The following TRERF1 variants were observed in gnomAD, a reference collection of about 807,000 sequenced individuals.
The protein encoded by TRERF1 is transcriptional regulating factor 1.
Under a neutral mutation model 122.9 loss-of-function variants are expected in TRERF1, and 27 were observed. The ratio of observed to expected loss-of-function variants is 0.22; its 90% CI spans 0.16 to 0.30. The LOEUF (loss-of-function observed/expected upper bound fraction) is 0.30. Among genes scored for constraint, TRERF1 ranks in the 10% least tolerant of loss-of-function variants. The pLI is 1.00. For missense variants in TRERF1, 1,248 were observed against 1,560.3 expected (o/e 0.80, Z 3.37); for synonymous variants, 636 against 641.7 (o/e 0.99, Z 0.13).
intron 2 of TRERF1, among the ~76,000 whole-genome samples, chr6:42,366,632 T>G (rs1334422912): frequency 6.6e-6 from 1 of 152,176 alleles, no homozygotes; most frequent in Non-Finnish European, 1.5e-5. Context: ...AAGGGAGAGC[T>G]TGAAATGTGA....
intron 2 of TRERF1, among the ~76,000 whole-genome samples, chr6:42,403,394 C>T (rs1779702980): frequency 1.3e-5 from 2 of 152,122 alleles, no homozygotes; most frequent in South Asian, 4.1e-4. Flanking sequence ...AATAGCGACA[C>T]ACACATACAC....
Position 42,228,301 on chromosome 6 carries a change from TG to T in TRERF1, c.*43del. Reference sequence around the variant, plus strand: ...GTCCAGGTTTCCTGATTAATGAAGATGGAGGCCGTGGGTTTTCACTGTCTCT... The same window carrying T: ...GTCCAGGTTTCCTGATTAATGAAGATGAGGCCGTGGGTTTTCACTGTCTCT... On this transcript the variant is annotated 3_prime_UTR_variant, in exon 18 of 18. Coordinates refer to ENST00000372922, the Ensembl canonical transcript of TRERF1. The surrounding 1 kb of genome is among the most constrained non-coding windows in gnomAD (Gnocchi z 4.2). 1 of 1,516,748 alleles carries T rather than the reference TG, an allele frequency of 6.6e-7. No individual in the cohort carries two copies. The highest frequency in any genetic ancestry group is 1.3e-5 in the South Asian group (1 of 75,266). The allele number at this position is 1,516,748 out of a possible 1,614,324, so 94.0% of individuals were successfully genotyped here.
chr6:42,347,432 G>A (rs1294810374), intron 3 of TRERF1, among the ~76,000 whole-genome samples: 1 of 152,182 alleles, frequency 6.6e-6, no homozygotes, highest in Non-Finnish European at 1.5e-5. Context: ...AGGGAGTGGA[G>A]GTGTGGGCAA....
chr6:42,306,377 G>A (rs1239472954), intron 3 of TRERF1, among the ~76,000 whole-genome samples: 1 of 152,126 alleles, frequency 6.6e-6, no homozygotes, highest in African/African-American at 2.4e-5. Flanking sequence ...TGCACTGGAG[G>A]AAGGGGATCC....
intron 10 of TRERF1, among the ~76,000 whole-genome samples, chr6:42,257,401 A>G (rs1348151003): frequency 6.6e-6 from 1 of 152,228 alleles, no homozygotes; most frequent in African/African-American, 2.4e-5. Context: ...TTCCCAGAGC[A>G]TGGCCAATGG....
At chr6:42,262,280 T>C (rs968901337) in intron 8 of TRERF1, among the ~76,000 whole-genome samples, 4 of 152,042 alleles carry the variant, frequency 2.6e-5, no homozygotes, top group African/African-American at 7.2e-5. Context: ...ATTCATTATC[T>C]TCTCTCCCTC....
rs137855975 is a variant in TRERF1, at chr6:42,306,736, C to CTA, written c.-370-5989_-370-5988dup. 7.9e-3 allele frequency among the ~76,000 whole-genome samples: 1,207 copies of CTA among 152,350 alleles called. 13 individuals are homozygous for CTA. The highest frequency in any genetic ancestry group is 0.022 in the African/African-American group (922 of 41,582). On this transcript the variant is annotated intron_variant, in intron 3 of 17. Transcript: ENST00000372922. ...CATTAGCATCTACTCATCTGTCAGG[C>CTA]TATAGCTTTGGGAAGATGTCTCCAT...
intron 17 of TRERF1, among the ~76,000 whole-genome samples, chr6:42,229,863 T>G (rs528076980): frequency 6.6e-6 from 1 of 152,336 alleles, no homozygotes; most frequent in South Asian, 2.1e-4. Context: ...TGACTGTTTT[T>G]GGGAATAAAG....
At chr6:42,431,764 G>GACA (rs1406723401) in intron 2 of TRERF1, among the ~76,000 whole-genome samples, 1 of 151,622 alleles carries the variant, frequency 6.6e-6, no homozygotes, top group Non-Finnish European at 1.5e-5. Context: ...AAGCCACTAG[G>GACA]CAACCTTACC....
chr6:42,309,699 T>C (rs1026074908), intron 3 of TRERF1, among the ~76,000 whole-genome samples: 1 of 152,232 alleles, frequency 6.6e-6, no homozygotes, highest in African/African-American at 2.4e-5. Context: ...AGCTGTGCTG[T>C]CCAATATGGC....
chr6:42,382,671 C>G (rs1421219725), intron 2 of TRERF1, among the ~76,000 whole-genome samples: 2 of 152,044 alleles, frequency 1.3e-5, no homozygotes, highest in African/African-American at 4.8e-5. Context: ...TGTCTGAAAA[C>G]AGAAGGAAAC....
chr6:42,319,688 T>C (rs760776667), intron 3 of TRERF1, among the ~76,000 whole-genome samples: 7 of 151,568 alleles, frequency 4.6e-5, no homozygotes, highest in Non-Finnish European at 1.0e-4. Flanking sequence ...CTGGGTGTGA[T>C]GGTGTGTGCC....
At chr6:42,341,462 C>G (rs260276) in intron 3 of TRERF1, among the ~76,000 whole-genome samples, 3,706 of 152,272 alleles carry the variant, frequency 0.024, 86 homozygotes, top group African/African-American at 0.061. Flanking sequence ...TTCATTCTGC[C>G]GAGGATCTGT....
intron 2 of TRERF1, among the ~76,000 whole-genome samples, chr6:42,414,362 GTTCACAGCT>G (rs1272438590): frequency 1.3e-5 from 2 of 152,110 alleles, no homozygotes; most frequent in African/African-American, 2.4e-5. Flanking sequence ...TACAAGCCTG[GTTCACAGCT>G]TTCAGGCCTC....
At chr6:42,246,579 A>C in intron 13 of TRERF1, 35 bp from the exon 14 acceptor site, 1 of 1,484,754 alleles carries the variant, frequency 6.7e-7, no homozygotes. Context: ...AGAACAGCTC[A>C]CAGTTCCCCC....
At chr6:42,385,437 C>A (rs1256822170) in intron 2 of TRERF1, among the ~76,000 whole-genome samples, 1 of 152,230 alleles carries the variant, frequency 6.6e-6, no homozygotes, top group African/African-American at 2.4e-5. Context: ...GGGGCCACCA[C>A]CACCCTGAAG....
At chr6:42,434,739 G>T (rs1045162546) in intron 2 of TRERF1, among the ~76,000 whole-genome samples, 2 of 149,962 alleles carry the variant, frequency 1.3e-5, no homozygotes, top group Non-Finnish European at 3.0e-5. Context: ...CATGTAGAAA[G>T]AAATTAAGCT....
At chr6:42,395,176 G>A (rs1184112983) in intron 2 of TRERF1, among the ~76,000 whole-genome samples, 2 of 152,188 alleles carry the variant, frequency 1.3e-5, no homozygotes, top group Non-Finnish European at 2.9e-5. Flanking sequence ...GTGACCTTGT[G>A]ACAGCCAACT....
chr6:42,414,951 C>T (rs955653418), intron 2 of TRERF1, among the ~76,000 whole-genome samples: 4 of 152,200 alleles, frequency 2.6e-5, no homozygotes, highest in African/African-American at 4.8e-5. Flanking sequence ...AAGAGATGGG[C>T]ATTCATAATT....
Sources: gnomAD v4.1 joint callset for allele counts (sites outside exome capture counted in the v4.1 genomes callset) on GRCh38, gnomAD v4.1.1 for gene constraint, Gnocchi (gnomAD v3.1) non-coding constraint, MANE v1.5 for transcripts, NCBI Gene and HGNC (gene_info 2026-07-23, HGNC 2026-07-21) for gene names.